NAV3: variants seen among roughly 807,000 people sequenced by gnomAD.
The protein encoded by NAV3 is pore membrane and/or filament interacting like protein 1.
Under a neutral mutation model 244.7 loss-of-function variants are expected in NAV3, and 87 were observed. The ratio of observed to expected loss-of-function variants is 0.36; its 90% CI spans 0.30 to 0.42. The LOEUF is 0.42. Among genes scored for constraint, NAV3 ranks in the 20% least tolerant of loss-of-function variants. The pLI is 1.00. For synonymous variants in NAV3, 1,126 were observed against 1,042.2 expected, an observed-to-expected ratio of 1.08 and a Z score of -1.55; for missense variants, 2,663 against 2,893.3, an observed-to-expected ratio of 0.92 and a Z score of 1.83.
chr12:78,121,371 A>G (rs1048701457), intron 15 of NAV3, among the ~76,000 whole-genome samples: 3 of 152,152 alleles, frequency 2.0e-5, no homozygotes, highest in African/African-American at 7.2e-5. Context: ...AATACAGACA[A>G]ACTGACTTGT....
rs139758681 is a variant in NAV3 at position 77,572,750 on chromosome 12, G to T, written c.72+484G>T. 3.8e-3 allele frequency among the ~76,000 whole-genome samples: 579 copies of T among 152,362 alleles called. 4 individuals are homozygous for T. Among genetic ancestry groups the T allele is most frequent in the Middle Eastern group, 0.017 (5 of 294 alleles). ...ATACAGCTGGCCTGGAAAGAAAGTT[G>T]TGAGACAACTGCGAGCTTTGTTTTG... is the stretch of plus-strand genomic sequence containing the variant. On this transcript the variant is annotated intron_variant, in intron 2 of 8. Transcript: ENST00000550042.
At chr12:77,820,276 G>A (rs922087323) in intron 2 of NAV3, among the ~76,000 whole-genome samples, 1 of 152,168 alleles carries the variant, frequency 6.6e-6, no homozygotes, top group Admixed American at 6.5e-5. Flanking sequence ...TTATAACAGA[G>A]TACCACAGAC....
At chr12:77,977,729 CA>C (rs1868767564) in intron 5 of NAV3, among the ~76,000 whole-genome samples, 2 of 151,280 alleles carry the variant, frequency 1.3e-5, no homozygotes, top group African/African-American at 4.9e-5. Flanking sequence ...CACACACACA[CA>C]CACACACACA....
chr12:77,922,431 A>C (rs1337574277), intron 1 of NAV3, among the ~76,000 whole-genome samples: 1 of 151,966 alleles, frequency 6.6e-6, no homozygotes, highest in Non-Finnish European at 1.5e-5. Context: ...TCTGACCTCC[A>C]CTACTCTATT....
At chr12:78,062,471 AGAGTAATGATG>A (rs1435026455) in intron 12 of NAV3, among the ~76,000 whole-genome samples, 1 of 152,102 alleles carries the variant, frequency 6.6e-6, no homozygotes, top group African/African-American at 2.4e-5. Context: ...CTGTTCTTAG[AGAGTAATGATG>A]GATATTAACA....
At chr12:77,850,493 ATTC>A (rs1877344656) in intron 1 of NAV3, among the ~76,000 whole-genome samples, 1 of 152,352 alleles carries the variant, frequency 6.6e-6, no homozygotes, top group Middle Eastern at 3.4e-3. Flanking sequence ...TCTGTAACAT[ATTC>A]TTCTTGCTTT....
intron 5 of NAV3, among the ~76,000 whole-genome samples, chr12:77,976,674 C>CTTTTTTT (rs869041498): frequency 4.1e-3 from 345 of 83,220 alleles, no homozygotes; most frequent in South Asian, 4.9e-3. Context: ...TTCTTTTTTT[C>CTTTTTTT]TTTTTTTTTT....
At chr12:78,192,150 T>G (rs1047411825) in intron 34 of NAV3, among the ~76,000 whole-genome samples, 10 of 151,962 alleles carry the variant, frequency 6.6e-5, no homozygotes, top group Non-Finnish European at 4.4e-5. Flanking sequence ...GAAAAAAAGT[T>G]TATTGCTTAG....
chr12:77,821,820 T>C (rs1872755939), intron 2 of NAV3, among the ~76,000 whole-genome samples: 1 of 152,190 alleles, frequency 6.6e-6, no homozygotes, highest in Admixed American at 6.5e-5. Context: ...TCTTCATCTT[T>C]TTATAACACA....
At chr12:77,691,329 G>GTATATATATATATA (rs1350161105) in intron 2 of NAV3, among the ~76,000 whole-genome samples, 8,176 of 65,886 alleles carry the variant, frequency 0.12, 2,028 homozygotes, top group East Asian at 0.18. Context: ...AAGTATTTGT[G>GTATATATATATATA]TATGTGTGTA....
intron 2 of NAV3, among the ~76,000 whole-genome samples, chr12:77,598,373 A>C (rs189806320): frequency 8.4e-4 from 128 of 152,192 alleles, no homozygotes; most frequent in African/African-American, 3.1e-3. Flanking sequence ...GTAATGTATC[A>C]TACCATTGAC....
At chr12:77,889,056 T>G (rs773827663) in intron 1 of NAV3, among the ~76,000 whole-genome samples, 39 of 152,188 alleles carry the variant, frequency 2.6e-4, no homozygotes, top group Admixed American at 6.5e-4. Flanking sequence ...TGTGGTGCAA[T>G]GGTTTATTTT....
intron 2 of NAV3, among the ~76,000 whole-genome samples, chr12:77,757,127 T>G (rs1447003759): frequency 6.6e-6 from 1 of 152,176 alleles, no homozygotes; most frequent in Non-Finnish European, 1.5e-5. Context: ...AGACTCAAAT[T>G]GAGGAATAAT....
At position 78,113,203 on chromosome 12, in the gene NAV3, C is replaced by A. The variant is rs142172140; in HGVS notation, c.2637-3569C>A. Among the ~76,000 whole-genome samples the A allele has an allele frequency of 3.7e-3, 565 of 152,372 alleles. 4 individuals are homozygous for A. Among genetic ancestry groups the A allele is most frequent in the African/African-American group, 0.013 (538 of 41,592 alleles). On this transcript the variant is annotated intron_variant, in intron 12 of 39. Transcript: ENST00000397909. ...TTTACAAGCTAGTGTTGAGTGCCTG[C>A]AGCTTTTCCAGGCACATGGGTGCAA...
intron 12 of NAV3, among the ~76,000 whole-genome samples, chr12:78,107,693 C>T (rs979902496): frequency 3.3e-5 from 5 of 151,826 alleles, no homozygotes; most frequent in Non-Finnish European, 5.9e-5. Flanking sequence ...TTCCCAGACA[C>T]GAAAATGCTG....
intron 1 of NAV3, among the ~76,000 whole-genome samples, chr12:77,848,446 A>G (rs915799485): frequency 2.6e-5 from 4 of 152,244 alleles, no homozygotes; most frequent in Non-Finnish European, 4.4e-5. Flanking sequence ...CTGAATGAAT[A>G]TAAGATCCAT....
chr12:77,831,605 G>A lies in NAV3; in HGVS notation c.144G>A (p.Glu48=), dbSNP rs764375468. Residue 48 remains glutamate, a synonymous_variant, in exon 1 of 40, where the codon GAG becomes GAA. Coordinates refer to ENST00000397909, the MANE Select transcript of NAV3 (RefSeq NM_001024383.2). ...GACCTTTGGAACTTACTGAAACAGA[G>A]AGCTCCATGCTTTCTTGTCAGCTTG... is the stretch of plus-strand genomic sequence containing the variant. ...SSRPLELTET[E]SSMLSCQLAL... is the part of the protein sequence containing the mutation. 1.2e-6 allele frequency: 2 copies of A among 1,614,078 alleles called. No homozygotes were observed. The highest frequency in any genetic ancestry group is 1.7e-6 in the Non-Finnish European group (2 of 1,179,966).
intron 9 of NAV3, among the ~76,000 whole-genome samples, chr12:78,027,982 A>G (rs1354551251): frequency 6.6e-6 from 1 of 151,400 alleles, no homozygotes; most frequent in Non-Finnish European, 1.5e-5. Context: ...TGTTTTTTTT[A>G]TAGCACAGAA....
chr12:77,856,403 G>A (rs1190946951), intron 1 of NAV3, among the ~76,000 whole-genome samples: 1 of 152,074 alleles, frequency 6.6e-6, no homozygotes, highest in Non-Finnish European at 1.5e-5. Context: ...TGGGCCCCAA[G>A]GAGTGTTTTC....
Sources: allele counts gnomAD v4.1 joint callset (sites outside exome capture counted in the v4.1 genomes callset), GRCh38; gene constraint gnomAD v4.1.1; transcripts MANE v1.5; gene names NCBI Gene and HGNC (gene_info 2026-07-23, HGNC 2026-07-21).